Variants in SRD5A2 observed in about 807,000 individuals in gnomAD.
SRD5A2 encodes steroid 5 alpha-reductase 2.
SRD5A2 carries 30 observed loss-of-function variants against 27.4 expected under a neutral mutation model. That is an observed-to-expected ratio of 1.10 (90% CI 0.82 to 1.49). The LOEUF is 1.49. Among genes scored for constraint, SRD5A2 ranks in the 40% most tolerant of loss-of-function variants. SRD5A2 has a pLI of 0.00. For synonymous variants in SRD5A2, 141 were observed against 133.6 expected (o/e 1.06, Z -0.38); for missense variants, 348 against 323.4 (o/e 1.08, Z -0.58).
intron 1 of SRD5A2, among the ~76,000 whole-genome samples, chr2:31,534,154 T>A (rs747006494): frequency 3.3e-5 from 5 of 152,164 alleles, no homozygotes; most frequent in Non-Finnish European, 7.4e-5. Context: ...AAATAATTTA[T>A]CAAAAATTAT....
chr2:31,589,696 G>A, the SRD5A2 span, among the ~76,000 whole-genome samples: 1 of 152,170 alleles, frequency 6.6e-6, no homozygotes, highest in Non-Finnish European at 1.5e-5. Flanking sequence ...GCTCCTAGCT[G>A]ATCTTTGTTA....
chr2:31,659,904 CTTTT>C, the SRD5A2 span, among the ~76,000 whole-genome samples: 1 of 151,942 alleles, frequency 6.6e-6, no homozygotes, highest in African/African-American at 2.4e-5. Flanking sequence ...CACTGATAGT[CTTTT>C]TATTTTTCAA....
At chr2:31,641,035 C>G in the SRD5A2 span, among the ~76,000 whole-genome samples, 2 of 152,130 alleles carry the variant, frequency 1.3e-5, no homozygotes, top group African/African-American at 4.8e-5. Context: ...TTATTCTCCT[C>G]CCATCTACTC....
chr2:31,562,103 C>T (rs1346749794), intron 1 of SRD5A2, among the ~76,000 whole-genome samples: 1 of 152,076 alleles, frequency 6.6e-6, no homozygotes, highest in Non-Finnish European at 1.5e-5. Flanking sequence ...TAAATACATG[C>T]CATTTCTCTG....
At chr2:31,556,193 G>A (rs972765013) in intron 1 of SRD5A2, among the ~76,000 whole-genome samples, 14 of 152,124 alleles carry the variant, frequency 9.2e-5, no homozygotes, top group Non-Finnish European at 1.9e-4. Flanking sequence ...TGTATATTTG[G>A]ATGGTACCTG....
the SRD5A2 span, among the ~76,000 whole-genome samples, chr2:31,586,147 C>T: frequency 2.0e-5 from 3 of 152,252 alleles, no homozygotes; most frequent in East Asian, 1.9e-4. Context: ...GCCCATCACC[C>T]AAGCGGTGTA....
At chr2:31,574,792 G>C (rs573786570) in intron 1 of SRD5A2, among the ~76,000 whole-genome samples, 1 of 152,316 alleles carries the variant, frequency 6.6e-6, no homozygotes, top group African/African-American at 2.4e-5. Flanking sequence ...TGAATGTAAA[G>C]CCACGCCATT....
rs1665901770 is a variant in SRD5A2 at position 31,531,352 on chromosome 2, G to C, written c.547+19C>G. The C allele has an allele frequency of 6.5e-7, 1 of 1,538,840 alleles. No homozygotes were observed. Among genetic ancestry groups the C allele is most frequent in the Non-Finnish European group, 8.8e-7 (1 of 1,131,252 alleles). The stretch of plus-strand genomic sequence containing the variant: ...GGCTCCAGGGAAGAGTGAGAGTCTG[G>C]GGGCAGGGGAGACATTACCTTGTGG... On this transcript the variant is annotated intron_variant, in intron 3 of 4. Coordinates refer to ENST00000622030, the MANE Select transcript of SRD5A2 (RefSeq NM_000348.4).
At chr2:31,586,164 A>T in the SRD5A2 span, among the ~76,000 whole-genome samples, 1 of 152,142 alleles carries the variant, frequency 6.6e-6, no homozygotes, top group Non-Finnish European at 1.5e-5. Flanking sequence ...TGTACGCCGT[A>T]CCCAATGTGT....
chr2:31,531,550 A>C (rs1232839958), intron 2 of SRD5A2, 78 bp from the exon 3 acceptor site: 11 of 959,764 alleles, frequency 1.1e-5, no homozygotes, highest in Non-Finnish European at 1.8e-5. Flanking sequence ...AACTAAGCTA[A>C]AATGAAAGGA....
chr2:31,559,243 T>C (rs1011004761), intron 1 of SRD5A2, among the ~76,000 whole-genome samples: 3 of 152,224 alleles, frequency 2.0e-5, no homozygotes, highest in South Asian at 2.1e-4. Context: ...CAGAATGGAA[T>C]GTTTTCTTGC....
intron 1 of SRD5A2, among the ~76,000 whole-genome samples, chr2:31,555,195 G>A (rs1666470358): frequency 6.6e-6 from 1 of 151,612 alleles, no homozygotes; most frequent in Non-Finnish European, 1.5e-5. Context: ...AGAAAACCCA[G>A]GTTTGGATTT....
At chr2:31,618,493 T>C in the SRD5A2 span, among the ~76,000 whole-genome samples, 1 of 152,078 alleles carries the variant, frequency 6.6e-6, no homozygotes, top group East Asian at 1.9e-4. Context: ...ACTAAACAGC[T>C]TCTAAAAAGA....
rs1455439484 is a variant in SRD5A2 at position 31,523,566 on chromosome 2, T to G, written c.*2630A>C. 4.6e-6 allele frequency: 1 copy of G among 219,486 alleles called. No individual in the cohort carries two copies. The highest frequency in any genetic ancestry group is 9.1e-6 in the Non-Finnish European group (1 of 109,362). 13.6% of individuals were successfully genotyped at this position (219,486 alleles called of 1,614,324 possible). On this transcript the variant is annotated 3_prime_UTR_variant, in exon 5 of 5. Transcript: ENST00000622030. Reference sequence around the variant, plus strand: ...CTGAGGTCTGCTTCAGCTCTTTAAGTCTAAATTCTGAAAAACAAACAAAAC... The same window carrying G: ...CTGAGGTCTGCTTCAGCTCTTTAAGGCTAAATTCTGAAAAACAAACAAAAC...
At chr2:31,622,731 T>G in the SRD5A2 span, among the ~76,000 whole-genome samples, 1 of 152,058 alleles carries the variant, frequency 6.6e-6, no homozygotes, top group Non-Finnish European at 1.5e-5. Context: ...ATAGTGACCA[T>G]GAACTTTTTT....
chr2:31,601,074 C>T, the SRD5A2 span, among the ~76,000 whole-genome samples: 540 of 152,000 alleles, frequency 3.6e-3, 4 homozygotes, highest in African/African-American at 0.012. Context: ...TAACCAAGAT[C>T]AGACCTGAAC....
chr2:31,641,263 G>A, the SRD5A2 span, among the ~76,000 whole-genome samples: 3 of 152,090 alleles, frequency 2.0e-5, no homozygotes, highest in Non-Finnish European at 4.4e-5. Flanking sequence ...AAGATATACA[G>A]AGTAAAAAAA....
the SRD5A2 span, among the ~76,000 whole-genome samples, chr2:31,615,270 G>A: frequency 6.4e-3 from 978 of 152,260 alleles, 14 homozygotes; most frequent in African/African-American, 0.022. Context: ...GCAGGTTGGA[G>A]GGCTAAGAAG....
At chr2:31,597,749 G>A in the SRD5A2 span, among the ~76,000 whole-genome samples, 1 of 152,078 alleles carries the variant, frequency 6.6e-6, no homozygotes, top group Non-Finnish European at 1.5e-5. Flanking sequence ...AAACCACAAT[G>A]CAATACCACC....
Sources: allele counts gnomAD v4.1 joint callset (sites outside exome capture counted in the v4.1 genomes callset), GRCh38; gene constraint gnomAD v4.1.1; transcripts MANE v1.5; gene names NCBI Gene and HGNC (gene_info 2026-07-23, HGNC 2026-07-21).